The following DIAPH2 variants were observed in gnomAD, a reference collection of about 807,000 sequenced individuals.
DIAPH2 encodes diaphanous related formin 2.
A neutral mutation model predicts 92.7 loss-of-function variants in DIAPH2; 35 were observed. The ratio of observed to expected loss-of-function variants is 0.38; its 90% CI spans 0.29 to 0.50. The LOEUF (loss-of-function observed/expected upper bound fraction) is 0.50, where lower values mean the gene tolerates loss of function less well. Ranked by LOEUF, DIAPH2 falls within the 20% of genes least tolerant of loss-of-function variation. The probability of loss-of-function intolerance (pLI) is 0.94; values close to 1 mark genes in which losing one functional copy is unlikely to be tolerated. For missense variants in DIAPH2, 701 were observed against 819.5 expected, an observed-to-expected ratio of 0.86 and a Z score of 1.77; for synonymous variants, 301 against 280.4, an observed-to-expected ratio of 1.07 and a Z score of -0.73.
intron 1 of DIAPH2, among the ~76,000 whole-genome samples, chrX:96,703,925 C>CCTTTT (rs200995245): frequency 1.8e-5 from 2 of 111,300 alleles, no homozygotes; most frequent in Non-Finnish European, 3.8e-5. Context: ...CTCCCTCCCT[C>CCTTTT]CTTTTCTTTT....
chrX:97,214,921 TAGAC>T (rs1319818575), intron 22 of DIAPH2, among the ~76,000 whole-genome samples: 10 of 109,719 alleles, frequency 9.1e-5, no homozygotes, highest in Non-Finnish European at 1.7e-4. Flanking sequence ...TTCCTTGAGT[TAGAC>T]AGAGTTTTTT....
intron 18 of DIAPH2, among the ~76,000 whole-genome samples, chrX:97,073,614 TCCC>T (rs2066684332): frequency 1.8e-5 from 2 of 112,080 alleles, no homozygotes; most frequent in Non-Finnish European, 3.8e-5. Flanking sequence ...AACATACTCT[TCCC>T]TCTGTCTTGA....
At chrX:97,368,472 C>T (rs769218018) in intron 24 of DIAPH2, among the ~76,000 whole-genome samples, 1 of 112,009 alleles carries the variant, frequency 8.9e-6, no homozygotes, top group East Asian at 2.8e-4. Context: ...TGGGAGCAGC[C>T]ATTTAAGAAA....
At chrX:97,579,455 T>G (rs1390033144) in intron 26 of DIAPH2, among the ~76,000 whole-genome samples, 2 of 111,329 alleles carry the variant, frequency 1.8e-5, no homozygotes, top group Admixed American at 1.9e-4. Flanking sequence ...TTTTCTCAGG[T>G]TTGTCAAAGA....
Position 97,352,611 on chromosome X carries a change from G to T in DIAPH2, c.3009+4331G>T, listed in dbSNP as rs962950694. 8.3e-5 allele frequency among the ~76,000 whole-genome samples: 9 copies of T among 109,016 alleles called. 1 individual carries two copies. Among genetic ancestry groups the T allele is most frequent in the Non-Finnish European group, 1.3e-4 (7 of 51,996 alleles). 94.7% of individuals were successfully genotyped at this position (109,016 alleles called of 115,157 possible). Reference sequence around the variant, plus strand: ...CAGGCCAGGCTCAGTGGCTCAAGCCGGTAATCCCAGCACTTTGGGAGGCCA... The same window carrying T: ...CAGGCCAGGCTCAGTGGCTCAAGCCTGTAATCCCAGCACTTTGGGAGGCCA... On this transcript the variant is annotated intron_variant, in intron 24 of 26. Coordinates refer to ENST00000324765, the MANE Select transcript of DIAPH2 (RefSeq NM_006729.5).
intron 22 of DIAPH2, among the ~76,000 whole-genome samples, chrX:97,163,118 T>G (rs1177869888): frequency 9.0e-6 from 1 of 111,336 alleles, no homozygotes; most frequent in Non-Finnish European, 1.9e-5. Flanking sequence ...TTTTCTGTCT[T>G]TCCTAAATTT....
intron 9 of DIAPH2, among the ~76,000 whole-genome samples, chrX:96,927,282 A>ATTTTTT (rs5903060): frequency 6.5e-4 from 53 of 82,118 alleles, no homozygotes; most frequent in African/African-American, 2.0e-3. Context: ...CTGGAGTTGA[A>ATTTTTT]TTTTTTTTTT....
At chrX:97,271,399 A>G (rs2068385158) in intron 23 of DIAPH2, among the ~76,000 whole-genome samples, 1 of 112,455 alleles carries the variant, frequency 8.9e-6, no homozygotes, top group Non-Finnish European at 1.9e-5. Flanking sequence ...TGTGTGCCAC[A>G]TTAAATAGCA....
intron 4 of DIAPH2, among the ~76,000 whole-genome samples, chrX:96,830,009 A>AAT (rs1221674385): frequency 1.8e-5 from 2 of 110,306 alleles, no homozygotes; most frequent in African/African-American, 6.6e-5. Flanking sequence ...AGTTCTACCA[A>AAT]ATATATATAT....
chrX:97,209,088 C>T (rs2067819694), intron 22 of DIAPH2, among the ~76,000 whole-genome samples: 1 of 110,730 alleles, frequency 9.0e-6, no homozygotes, highest in Admixed American at 9.7e-5. Context: ...GCACAGAGAC[C>T]TCAAACCTTT....
intron 4 of DIAPH2, among the ~76,000 whole-genome samples, chrX:96,775,953 C>T (rs2064374759): frequency 9.0e-6 from 1 of 111,533 alleles, no homozygotes; most frequent in African/African-American, 3.3e-5. Flanking sequence ...CAACTACTGC[C>T]ACCTTTTAGT....
intron 25 of DIAPH2, among the ~76,000 whole-genome samples, chrX:97,425,985 A>G (rs189910999): frequency 2.0e-3 from 221 of 110,493 alleles, no homozygotes; most frequent in African/African-American, 7.2e-3. Flanking sequence ...AATGACACCC[A>G]AATCTTTAGC....
At chrX:97,197,312 G>A (rs1214678045) in intron 22 of DIAPH2, among the ~76,000 whole-genome samples, 2 of 111,683 alleles carry the variant, frequency 1.8e-5, no homozygotes, top group Non-Finnish European at 3.8e-5. Flanking sequence ...TCACATGGAA[G>A]GTTATCTGTA....
chrX:97,039,091 A>C (rs1411032238), intron 17 of DIAPH2, among the ~76,000 whole-genome samples: 1 of 111,364 alleles, frequency 9.0e-6, no homozygotes, highest in Non-Finnish European at 1.9e-5. Flanking sequence ...GAGTGTCATG[A>C]TTTTAAAAAA....
intron 17 of DIAPH2, among the ~76,000 whole-genome samples, chrX:97,055,221 A>T (rs2066549027): frequency 9.2e-6 from 1 of 108,814 alleles, no homozygotes; most frequent in Admixed American, 9.9e-5. Flanking sequence ...CTGGCATTTA[A>T]TCATTTTTGC....
chrX:96,978,939 T>A (rs1047968806), intron 17 of DIAPH2, among the ~76,000 whole-genome samples: 11 of 111,444 alleles, frequency 9.9e-5, no homozygotes, highest in African/African-American at 3.6e-4. Context: ...CATTCTTGGA[T>A]GTTTGTTGTC....
At chrX:97,243,220 C>T (rs763245642) in intron 22 of DIAPH2, among the ~76,000 whole-genome samples, 1 of 108,887 alleles carries the variant, frequency 9.2e-6, no homozygotes, top group South Asian at 3.9e-4. Context: ...ACCTGAGACA[C>T]TAAACAACCA....
intron 22 of DIAPH2, among the ~76,000 whole-genome samples, chrX:97,196,691 G>A (rs892780829): frequency 1.3e-4 from 15 of 111,638 alleles, no homozygotes; most frequent in Non-Finnish European, 9.4e-5. Context: ...TATTTTAAAC[G>A]CAATTTCTAT....
intron 26 of DIAPH2, among the ~76,000 whole-genome samples, chrX:97,560,298 G>A (rs933406143): frequency 1.8e-5 from 2 of 111,582 alleles, no homozygotes; most frequent in Admixed American, 9.5e-5. Flanking sequence ...TGTGGCAGGC[G>A]CCATGTTAGG....
Sources: gnomAD v4.1 joint callset for allele counts (sites outside exome capture counted in the v4.1 genomes callset) on GRCh38, gnomAD v4.1.1 for gene constraint, MANE v1.5 for transcripts, NCBI Gene and HGNC (gene_info 2026-07-23, HGNC 2026-07-21) for gene names.